Variants in PCNX2 observed in about 807,000 individuals in gnomAD.
PCNX2 encodes pecanex 2.
Under a neutral mutation model 223.8 loss-of-function variants are expected in PCNX2, and 168 were observed. That is an observed-to-expected ratio of 0.75 (90% confidence interval 0.66 to 0.85). The LOEUF (loss-of-function observed/expected upper bound fraction) is 0.85, where lower values mean the gene tolerates loss of function less well. Among genes scored for constraint, PCNX2 ranks in the 40% least tolerant of loss-of-function variants. The probability of loss-of-function intolerance (pLI) is 0.00; values close to 1 mark genes in which losing one functional copy is unlikely to be tolerated. For missense variants in PCNX2, 2,507 were observed against 2,675.5 expected, an observed-to-expected ratio of 0.94 and a Z score of 1.39; for synonymous variants, 1,006 against 1,052.6, an observed-to-expected ratio of 0.96 and a Z score of 0.86.
At chr1:233,119,403 CAAAAAAAAAAAAAAA>C (rs71173251) in intron 21 of PCNX2, among the ~76,000 whole-genome samples, 12,979 of 39,720 alleles carry the variant, frequency 0.33, 780 homozygotes, top group Middle Eastern at 0.58. Flanking sequence ...ACTAAAAATA[CAAAAAAAAAAAAAAA>C]AAAAAAAAAA....
At chr1:232,992,474 G>A (rs1450259557) in intron 32 of PCNX2, among the ~76,000 whole-genome samples, 2 of 152,206 alleles carry the variant, frequency 1.3e-5, no homozygotes, top group Admixed American at 6.5e-5. Flanking sequence ...GGAGGCAAGG[G>A]CGGCACACTC....
At chr1:233,268,427 A>G (rs1660461210) in intron 1 of PCNX2, among the ~76,000 whole-genome samples, 1 of 152,176 alleles carries the variant, frequency 6.6e-6, no homozygotes, top group South Asian at 2.1e-4. Flanking sequence ...TTGCAGACAT[A>G]AAGAAGGACA....
chr1:233,091,767 T>C (rs79483191), intron 22 of PCNX2, among the ~76,000 whole-genome samples: 2 of 150,998 alleles, frequency 1.3e-5, no homozygotes, highest in South Asian at 2.1e-4. Flanking sequence ...TTTTTTTTTT[T>C]CAAGAGTGAC....
intron 1 of PCNX2, among the ~76,000 whole-genome samples, chr1:233,277,147 G>A (rs922481542): frequency 6.6e-6 from 1 of 152,150 alleles, no homozygotes; most frequent in African/African-American, 2.4e-5. Flanking sequence ...GACTGCCTGG[G>A]TGGGAGGGCA....
intron 13 of PCNX2, among the ~76,000 whole-genome samples, chr1:233,202,514 A>G (rs932776106): frequency 6.6e-6 from 1 of 152,234 alleles, no homozygotes; most frequent in African/African-American, 2.4e-5. Context: ...AAATAAAACT[A>G]AAGCCTATGA....
At chr1:233,200,953 G>C (rs1485916621) in intron 13 of PCNX2, among the ~76,000 whole-genome samples, 2 of 148,924 alleles carry the variant, frequency 1.3e-5, no homozygotes, top group South Asian at 4.3e-4. Context: ...GTGAACCCGG[G>C]AGGCGGAGCT....
the PCNX2 span, among the ~76,000 whole-genome samples, chr1:233,314,216 T>C: frequency 6.6e-6 from 1 of 152,296 alleles, no homozygotes; most frequent in East Asian, 1.9e-4. Context: ...TAAATTTATA[T>C]GATACATATA....
chr1:233,035,533 G>C (rs6424268), intron 25 of PCNX2, among the ~76,000 whole-genome samples: 41,211 of 152,100 alleles, frequency 0.27, 7,496 homozygotes, highest in African/African-American at 0.52. Flanking sequence ...TGACCAAGGG[G>C]GATGTTAGAG....
At chr1:233,057,186 C>A (rs781660387) in intron 24 of PCNX2, 46 bp downstream of exon 24, 2 of 1,427,530 alleles carry the variant, frequency 1.4e-6, no homozygotes, top group Non-Finnish European at 9.8e-7. Flanking sequence ...GAGAATCCAT[C>A]CATACAACAA....
rs189582505 is a variant in PCNX2 at position 233,056,609 on chromosome 1, C to T, written c.4135+623G>A. 1.4e-4 allele frequency among the ~76,000 whole-genome samples: 21 copies of T among 152,232 alleles called. No individual in the cohort carries two copies. In the East Asian group the frequency reaches 4.0e-3, roughly 29 times the overall value. On this transcript the variant is annotated intron_variant, in intron 24 of 33. Coordinates refer to ENST00000258229, the MANE Select transcript of PCNX2 (RefSeq NM_014801.4). ...TGATTTCGAATTAATCATGTAGATGCAATTCAAATATAGATAATGAGCACG... is the reference window on the plus strand; with the variant it reads ...TGATTTCGAATTAATCATGTAGATGTAATTCAAATATAGATAATGAGCACG...
intron 15 of PCNX2, among the ~76,000 whole-genome samples, chr1:233,190,672 G>A (rs1182034957): frequency 6.6e-6 from 1 of 152,144 alleles, no homozygotes; most frequent in Non-Finnish European, 1.5e-5. Flanking sequence ...AGTTTCAACT[G>A]GTCAAAGCCT....
intron 1 of PCNX2, among the ~76,000 whole-genome samples, chr1:233,267,083 C>T (rs1037960642): frequency 6.6e-6 from 1 of 151,962 alleles, no homozygotes; most frequent in African/African-American, 2.4e-5. Flanking sequence ...CTTTGGGAGG[C>T]CAAGGTGGGC....
the PCNX2 span, among the ~76,000 whole-genome samples, chr1:233,321,109 C>T: frequency 6.8e-6 from 1 of 146,990 alleles, no homozygotes; most frequent in Non-Finnish European, 1.5e-5. Context: ...AGCTCCGCCT[C>T]CGGGGTTCAC....
chr1:233,001,328 A>C lies in PCNX2; in HGVS notation c.5097+209T>G, dbSNP rs1374730287. 6.6e-6 allele frequency among the ~76,000 whole-genome samples: 1 copy of C among 151,936 alleles called. No homozygotes were observed. The highest frequency in any genetic ancestry group is 1.5e-5 in the Non-Finnish European group (1 of 68,006). On this transcript the variant is annotated intron_variant, in intron 29 of 33. Coordinates refer to ENST00000258229, the MANE Select transcript of PCNX2 (RefSeq NM_014801.4). This position sits in a 1 kb window ranked among gnomAD's most constrained non-coding sequence, Gnocchi z 4.2. ...AACCCCATTTCTACTACAAATACAAAATTAGCTGGGCATGGTGGCACATGC... is the reference window on the plus strand; with the variant it reads ...AACCCCATTTCTACTACAAATACAACATTAGCTGGGCATGGTGGCACATGC...
rs988196395 is a variant in PCNX2 at position 233,233,911 on chromosome 1, C to T, written c.2358+2934G>A. ...CAGGTCGTTTCTCTGTCTAGATAGT[C>T]TTATCTCCTTTTATTTGGTTAACTC... On this transcript the variant is annotated intron_variant, in intron 9 of 33. Coordinates refer to ENST00000258229, the MANE Select transcript of PCNX2 (RefSeq NM_014801.4). Among the ~76,000 whole-genome samples, 9 of 152,156 alleles carry T rather than the reference C, an allele frequency of 5.9e-5. No individual in the cohort carries two copies. In the East Asian group the frequency reaches 1.7e-3, roughly 30 times the overall value.
intron 22 of PCNX2, among the ~76,000 whole-genome samples, chr1:233,093,220 A>C (rs897999163): frequency 5.3e-5 from 8 of 152,214 alleles, no homozygotes; most frequent in Admixed American, 1.3e-4. Flanking sequence ...AGTATTTCTA[A>C]TTATTAGAAG....
At chr1:233,205,942 G>A (rs966810647) in intron 13 of PCNX2, among the ~76,000 whole-genome samples, 1 of 152,146 alleles carries the variant, frequency 6.6e-6, no homozygotes, top group African/African-American at 2.4e-5. Flanking sequence ...TGAAAGTGTG[G>A]GTAGTGAGAG....
At chr1:233,320,499 C>G in the PCNX2 span, among the ~76,000 whole-genome samples, 64 of 152,264 alleles carry the variant, frequency 4.2e-4, no homozygotes, top group Admixed American at 2.4e-3. Flanking sequence ...CCTTTCCTCC[C>G]TTTCTCCTTC....
the PCNX2 span, among the ~76,000 whole-genome samples, chr1:233,302,859 A>T: frequency 2.0e-5 from 3 of 152,142 alleles, no homozygotes; most frequent in East Asian, 5.8e-4. Flanking sequence ...ATCCTCATTT[A>T]ATTCCAGAGA....
Sources: gnomAD v4.1 joint callset for allele counts (sites outside exome capture counted in the v4.1 genomes callset) on GRCh38, gnomAD v4.1.1 for gene constraint, Gnocchi (gnomAD v3.1) non-coding constraint, MANE v1.5 for transcripts, NCBI Gene and HGNC (gene_info 2026-07-23, HGNC 2026-07-21) for gene names.